Variants in UGT1A8 observed in about 807,000 individuals in gnomAD.
UGT1A8 encodes the protein UDP-glucuronosyltransferase 1A8.
UGT1A8 carries 39 observed loss-of-function variants against 45.3 expected under a neutral mutation model. The observed-to-expected ratio is 0.86, with a 90% CI of 0.67 to 1.12. The LOEUF (loss-of-function observed/expected upper bound fraction) is 1.12. UGT1A8 is among the 50% of genes most tolerant of loss of function. UGT1A8 has a pLI of 0.00. For missense variants in UGT1A8, 719 were observed against 664.9 expected (o/e 1.08, Z -0.90); for synonymous variants, 275 against 249.2 (o/e 1.10, Z -0.97).
intron 1 of UGT1A8, among the ~76,000 whole-genome samples, chr2:233,694,689 C>A (rs1300975135): frequency 6.6e-6 from 1 of 152,142 alleles, no homozygotes; most frequent in Non-Finnish European, 1.5e-5. Context: ...TCCCAAAGAC[C>A]CTTACCTCTC....
In UGT1A8 at chr2:233,740,517, A is replaced by G. The variant is rs139363796; in HGVS notation, c.856-26517A>G. On this transcript the variant is annotated intron_variant, in intron 1 of 4. Transcript: ENST00000373450. ...CTTTCCAGTGTGTGATGTAAGCTGA[A>G]CTAAAATCAGCTGTGTTGAACTCCA... 1.6e-4 allele frequency among the ~76,000 whole-genome samples: 25 copies of G among 152,030 alleles called. No individual in the cohort carries two copies. The East Asian group carries it at 4.2e-3, about 26-fold the overall frequency.
At chr2:233,636,989 T>C (rs1006743126) in intron 1 of UGT1A8, 3 of 1,614,192 alleles carry the variant, frequency 1.9e-6, no homozygotes, top group Non-Finnish European at 1.7e-6. Context: ...TGTGGCTTAA[T>C]TGTTGCTAAA....
chr2:233,661,710 T>C (rs78858023), intron 1 of UGT1A8, among the ~76,000 whole-genome samples: 1 of 136,526 alleles, frequency 7.3e-6, no homozygotes, highest in Non-Finnish European at 1.6e-5. Context: ...TCTGGATTCT[T>C]TTTTTTTTTT....
chr2:233,660,939 A>G (rs2073950250), intron 1 of UGT1A8, among the ~76,000 whole-genome samples: 2 of 152,124 alleles, frequency 1.3e-5, no homozygotes, highest in Non-Finnish European at 1.5e-5. Context: ...CTTTGCTGCC[A>G]TTAAATTCTC....
At chr2:233,730,757 G>C (rs2125758007) in intron 1 of UGT1A8, among the ~76,000 whole-genome samples, 1 of 152,258 alleles carries the variant, frequency 6.6e-6, no homozygotes, top group East Asian at 1.9e-4. Flanking sequence ...AGATAAGACT[G>C]TGAATCTATA....
chr2:233,766,270 CGG>C (rs1699091284), intron 1 of UGT1A8, among the ~76,000 whole-genome samples: 2 of 67,854 alleles, frequency 2.9e-5, no homozygotes, highest in Non-Finnish European at 5.8e-5. Flanking sequence ...GGCCCGGGCT[CGG>C]TGGCCCGGGC....
At chr2:233,755,199 C>A (rs1448845057) in intron 1 of UGT1A8, 6 of 1,106,350 alleles carry the variant, frequency 5.4e-6, no homozygotes, top group South Asian at 1.2e-5. Flanking sequence ...CGCCAGCTTG[C>A]GGTACGCCTT....
At chr2:233,760,175 C>T (rs2125979710) in intron 1 of UGT1A8, 1 of 1,540,768 alleles carries the variant, frequency 6.5e-7, no homozygotes, top group Non-Finnish European at 8.7e-7. Flanking sequence ...GGACTGACAG[C>T]TTTTTATAGT....
chr2:233,719,325 G>C (rs771082212), intron 1 of UGT1A8: 3 of 1,613,936 alleles, frequency 1.9e-6, no homozygotes, highest in South Asian at 1.1e-5. Context: ...GTCGATTCCT[G>C]CTGTGTTTTT....
chr2:233,643,465 C>T lies in UGT1A8; in HGVS notation c.855+24903C>T, dbSNP rs567716288. Among the ~76,000 whole-genome samples the T allele has an allele frequency of 1.1e-4, 17 of 152,184 alleles. 1 individual carries two copies. The South Asian group carries it at 3.5e-3, about 32-fold the overall frequency. The stretch of plus-strand genomic sequence containing the variant: ...TCAAGGCAGTGGGCTCCCCTCTATC[C>T]CAGGGGAGCTCCAGAAATGCTGTCC... On this transcript the variant is annotated intron_variant, in intron 1 of 4. Transcript: ENST00000373450.
chr2:233,741,488 C>CA (rs1484608191), intron 1 of UGT1A8: 1 of 151,842 alleles, frequency 6.6e-6, no homozygotes, highest in Non-Finnish European at 1.5e-5. Context: ...GTCTGATGTA[C>CA]AAAAAACTGA....
At chr2:233,633,897 T>G (rs2073233556) in intron 1 of UGT1A8, among the ~76,000 whole-genome samples, 1 of 152,210 alleles carries the variant, frequency 6.6e-6, no homozygotes, top group South Asian at 2.1e-4. Flanking sequence ...TTAATTGTGA[T>G]GTTATGGTTT....
At chr2:233,653,331 G>A (rs547390662) in intron 1 of UGT1A8, among the ~76,000 whole-genome samples, 47 of 152,260 alleles carry the variant, frequency 3.1e-4, no homozygotes, top group African/African-American at 8.9e-4. Flanking sequence ...CTTTGCAAGC[G>A]TAAACCCTCA....
chr2:233,750,953 C>T (rs1348696377), intron 1 of UGT1A8, among the ~76,000 whole-genome samples: 2 of 151,802 alleles, frequency 1.3e-5, no homozygotes, highest in Non-Finnish European at 2.9e-5. Context: ...ACAGAGTCTC[C>T]ACTGGGGCAC....
At chr2:233,660,548 T>G (rs2073941998) in intron 1 of UGT1A8, among the ~76,000 whole-genome samples, 1 of 152,206 alleles carries the variant, frequency 6.6e-6, no homozygotes. Flanking sequence ...GCCTTCTTGT[T>G]CTACAACAAA....
chr2:233,682,199 C>A (rs151080578), intron 1 of UGT1A8: 3 of 1,614,152 alleles, frequency 1.9e-6, no homozygotes, highest in Non-Finnish European at 2.5e-6. Context: ...GGATCAGGAC[C>A]GGGAGTTCAT....
rs1430116082 is a variant in UGT1A8 at position 233,769,294 on chromosome 2, T to A, written c.1295+855T>A. ...AGGGCAAATGATTTCTGGATTAAAGTTAGTATATTACTGTCAAGCTCACTG... is the reference window on the plus strand; with the variant it reads ...AGGGCAAATGATTTCTGGATTAAAGATAGTATATTACTGTCAAGCTCACTG... On this transcript the variant is annotated intron_variant, in intron 4 of 4. Coordinates refer to ENST00000373450, the MANE Select transcript of UGT1A8 (RefSeq NM_019076.5). This position sits in a 1 kb window ranked among gnomAD's most constrained non-coding sequence, Gnocchi z 4.4. Among the ~76,000 whole-genome samples, 2 of 152,234 alleles carry A rather than the reference T, an allele frequency of 1.3e-5. No homozygotes were observed. The highest frequency in any genetic ancestry group is 4.8e-5 in the African/African-American group (2 of 41,454).
At chr2:233,761,164 G>C in intron 1 of UGT1A8, 2 of 1,614,240 alleles carry the variant, frequency 1.2e-6, no homozygotes, top group South Asian at 1.1e-5. Flanking sequence ...GTGTATTGGA[G>C]TGGGACTTTT....
At chr2:233,739,899 T>G (rs1691241474) in intron 1 of UGT1A8, among the ~76,000 whole-genome samples, 1 of 151,876 alleles carries the variant, frequency 6.6e-6, no homozygotes, top group South Asian at 2.1e-4. Context: ...CCAAATCTCA[T>G]CTCATATTGT....
Sources: allele counts gnomAD v4.1 joint callset (sites outside exome capture counted in the v4.1 genomes callset), GRCh38; gene constraint gnomAD v4.1.1; non-coding constraint Gnocchi (gnomAD v3.1); transcripts MANE v1.5; gene names NCBI Gene and HGNC (gene_info 2026-07-23, HGNC 2026-07-21).